The following INSYN2A variants were observed in gnomAD, a reference collection of about 807,000 sequenced individuals.
INSYN2A encodes family with sequence similarity 196 member A.
INSYN2A carries 17 observed loss-of-function variants against 39.4 expected under a neutral mutation model. The observed-to-expected ratio is 0.43, with a 90% CI of 0.30 to 0.65. The LOEUF is 0.65. Ranked by LOEUF, INSYN2A falls within the 30% of genes least tolerant of loss-of-function variation. The pLI is 0.14. For missense variants in INSYN2A, 595 were observed against 631.2 expected (o/e 0.94, Z 0.61); for synonymous variants, 255 against 265.7 (o/e 0.96, Z 0.39).
At chr10:127,180,068 A>C (rs2055581616) in intron 2 of INSYN2A, among the ~76,000 whole-genome samples, 1 of 152,214 alleles carries the variant, frequency 6.6e-6, no homozygotes. Flanking sequence ...TTTGAATCAC[A>C]TGCCCTAACC....
chr10:127,169,728 A>G (rs1282083976), intron 4 of INSYN2A, among the ~76,000 whole-genome samples: 1 of 152,180 alleles, frequency 6.6e-6, no homozygotes, highest in African/African-American at 2.4e-5. Context: ...GACCTCTGCC[A>G]TGTAGGAGCT....
chr10:127,184,939 AAAC>A (rs1231023580), intron 2 of INSYN2A, among the ~76,000 whole-genome samples: 5 of 152,166 alleles, frequency 3.3e-5, no homozygotes, highest in African/African-American at 1.2e-4. Context: ...ACACAGGAAA[AAAC>A]AAGGCATACT....
intron 5 of INSYN2A, among the ~76,000 whole-genome samples, chr10:127,142,072 G>A (rs754026983): frequency 6.6e-6 from 1 of 152,198 alleles, no homozygotes; most frequent in Non-Finnish European, 1.5e-5. Context: ...TAAGGGGAGC[G>A]TGAGAGTTAC....
intron 4 of INSYN2A, among the ~76,000 whole-genome samples, chr10:127,163,474 G>A (rs1426605347): frequency 1.3e-5 from 2 of 152,060 alleles, no homozygotes; most frequent in Non-Finnish European, 2.9e-5. Flanking sequence ...CCCACCTCAG[G>A]GCCAGAAGTA....
chr10:127,150,769 T>C (rs1422746447), intron 5 of INSYN2A, among the ~76,000 whole-genome samples: 1 of 152,110 alleles, frequency 6.6e-6, no homozygotes, highest in Non-Finnish European at 1.5e-5. Flanking sequence ...AAATATTCAA[T>C]GAAAAAGGTA....
chr10:127,148,011 A>G (rs2052073459), intron 5 of INSYN2A, among the ~76,000 whole-genome samples: 1 of 144,164 alleles, frequency 6.9e-6, no homozygotes. Context: ...AGCCTGGGCA[A>G]CAGAGTGAGA....
chr10:127,158,702 C>A (rs1250649350), intron 4 of INSYN2A, among the ~76,000 whole-genome samples: 1 of 152,184 alleles, frequency 6.6e-6, no homozygotes, highest in Non-Finnish European at 1.5e-5. Flanking sequence ...TTCTAGTCTT[C>A]ATTTTTCTCC....
chr10:127,147,452 C>T (rs2051992951), intron 5 of INSYN2A, among the ~76,000 whole-genome samples: 2 of 152,262 alleles, frequency 1.3e-5, no homozygotes, highest in South Asian at 2.1e-4. Flanking sequence ...TGGCTTCCTT[C>T]ACCTCCTCCT....
chr10:127,196,026 G>A lies in INSYN2A; in HGVS notation c.-424C>T, dbSNP rs1396601002. ...CGCTGCTTACAGATAAGTCGAGGTC[G>A]ATGCAGCGCCTGGCTCGGGCATGTC... On this transcript the variant is annotated 5_prime_UTR_variant, in exon 1 of 6. Transcript: ENST00000522781. The A allele has an allele frequency of 6.6e-6, 1 of 152,062 alleles. No homozygotes were observed. Among genetic ancestry groups the A allele is most frequent in the Non-Finnish European group, 1.5e-5 (1 of 68,030 alleles). The allele number at this position is 152,062 out of a possible 1,614,324, so 9.4% of individuals were successfully genotyped here. A position where few individuals can be genotyped will look rare whatever the true frequency, so the allele number is the denominator to read the frequency against.
intron 5 of INSYN2A, among the ~76,000 whole-genome samples, chr10:127,149,122 T>C (rs1233243949): frequency 1.3e-5 from 2 of 152,170 alleles, no homozygotes; most frequent in Non-Finnish European, 2.9e-5. Context: ...TACCCTTCTG[T>C]GCAGTCTCTT....
intron 4 of INSYN2A, among the ~76,000 whole-genome samples, chr10:127,166,076 T>C (rs1382660900): frequency 1.3e-5 from 2 of 151,878 alleles, no homozygotes; most frequent in African/African-American, 4.8e-5. Flanking sequence ...TTTATTTATT[T>C]ATTTTCTGAG....
intron 4 of INSYN2A, among the ~76,000 whole-genome samples, chr10:127,174,076 C>T (rs867107011): frequency 6.6e-6 from 1 of 152,222 alleles, no homozygotes; most frequent in Non-Finnish European, 1.5e-5. Flanking sequence ...AGTCAGCAAA[C>T]TGTCTAACTC....
In INSYN2A at chr10:127,175,883, T is replaced by C. The variant is rs370964104; in HGVS notation, c.513A>G (p.Thr171=). ...GTTGGTTGGAATGGAAAACCAAGGC[T>C]GTGGTCTTGTGCACCCGCCCCGCGC... The part of the protein sequence containing the change: ...PCGAGRVHKT[T]ALVFHSNQHM... Residue 171 remains threonine, a synonymous_variant, in exon 4 of 6, where the codon ACA becomes ACG. Coordinates refer to ENST00000522781, the MANE Select transcript of INSYN2A (RefSeq NM_001039762.3). The surrounding 1 kb of genome is among the most constrained non-coding windows in gnomAD (Gnocchi z 6.3). 1.1e-5 allele frequency: 18 copies of C among 1,614,096 alleles called. No homozygotes were observed. In the African/African-American group the frequency reaches 2.1e-4, roughly 19 times the overall value.
chr10:127,181,751 C>T (rs1183318083), intron 2 of INSYN2A, among the ~76,000 whole-genome samples: 1 of 152,098 alleles, frequency 6.6e-6, no homozygotes, highest in Non-Finnish European at 1.5e-5. Context: ...CGGCTTCCAC[C>T]GGAAGGGGAG....
chr10:127,147,761 G>A (rs1016945176), intron 5 of INSYN2A, among the ~76,000 whole-genome samples: 1 of 152,010 alleles, frequency 6.6e-6, no homozygotes, highest in Non-Finnish European at 1.5e-5. Context: ...GTCTGGGCAC[G>A]GTGGCTCATG....
chr10:127,151,162 C>T (rs771292830), intron 5 of INSYN2A, among the ~76,000 whole-genome samples: 14 of 152,110 alleles, frequency 9.2e-5, no homozygotes, highest in African/African-American at 2.4e-4. Flanking sequence ...TAAGAGTAAT[C>T]GTTAAACTTT....
intron 2 of INSYN2A, among the ~76,000 whole-genome samples, chr10:127,192,309 T>C (rs61874035): frequency 0.013 from 2,022 of 152,298 alleles, 13 homozygotes; most frequent in Non-Finnish European, 0.02. Flanking sequence ...CTTTGAAATA[T>C]GTTGTTAGCC....
At chr10:127,189,633 G>A (rs1210294263) in intron 2 of INSYN2A, among the ~76,000 whole-genome samples, 1 of 152,212 alleles carries the variant, frequency 6.6e-6, no homozygotes, top group Non-Finnish European at 1.5e-5. Context: ...AACTAAAACA[G>A]TAAGTAATTG....
Position 127,188,770 on chromosome 10 carries a change from C to T in INSYN2A, c.-269+3835G>A, listed in dbSNP as rs546101917. Among the ~76,000 whole-genome samples the T allele has an allele frequency of 1.3e-4, 20 of 152,334 alleles. 1 individual carries two copies. In the South Asian group the frequency reaches 3.3e-3, roughly 25 times the overall value. On this transcript the variant is annotated intron_variant, in intron 2 of 5. Coordinates refer to ENST00000522781, the MANE Select transcript of INSYN2A (RefSeq NM_001039762.3). ...TAACACTTGTGTATAACACTCAGCACAAGCTAGGTACCGTTCTGTGCTTTG... is the reference window on the plus strand; with the variant it reads ...TAACACTTGTGTATAACACTCAGCATAAGCTAGGTACCGTTCTGTGCTTTG...
Sources: gnomAD v4.1 joint callset for allele counts (sites outside exome capture counted in the v4.1 genomes callset) on GRCh38, gnomAD v4.1.1 for gene constraint, Gnocchi (gnomAD v3.1) non-coding constraint, MANE v1.5 for transcripts, NCBI Gene and HGNC (gene_info 2026-07-23, HGNC 2026-07-21) for gene names.